CDH12: variants seen among roughly 807,000 people sequenced by gnomAD.
CDH12 encodes the protein cadherin 12.
Under a neutral mutation model 74.1 loss-of-function variants are expected in CDH12, and 41 were observed. The observed-to-expected ratio is 0.55, with a 90% CI of 0.43 to 0.72. The LOEUF (loss-of-function observed/expected upper bound fraction) is 0.72. Among genes scored for constraint, CDH12 ranks in the 30% least tolerant of loss-of-function variants. The pLI is 0.00. For missense variants in CDH12, 945 were observed against 977.2 expected, an observed-to-expected ratio of 0.97 and a Z score of 0.44; for synonymous variants, 399 against 355.0, an observed-to-expected ratio of 1.12 and a Z score of -1.39.
chr5:21,888,447 T>C (rs1752743481), intron 6 of CDH12, among the ~76,000 whole-genome samples: 1 of 152,116 alleles, frequency 6.6e-6, no homozygotes, highest in Non-Finnish European at 1.5e-5. Context: ...ATTTGCAACG[T>C]TTCCTCACTT....
chr5:21,883,578 T>C, intron 6 of CDH12: 1 of 1,605,338 alleles, frequency 6.2e-7, no homozygotes. Context: ...AGAAGAGGGG[T>C]TGACCCTGAA....
chr5:22,125,578 T>C (rs1284404045), intron 4 of CDH12, among the ~76,000 whole-genome samples: 2 of 152,240 alleles, frequency 1.3e-5, no homozygotes, highest in Non-Finnish European at 2.9e-5. Context: ...CCGTCTCTGC[T>C]GGTTTTAGTT....
At chr5:22,051,189 G>C (rs1740336291) in intron 5 of CDH12, among the ~76,000 whole-genome samples, 1 of 151,984 alleles carries the variant, frequency 6.6e-6, no homozygotes, top group Non-Finnish European at 1.5e-5. Context: ...GACCCACCGG[G>C]AGATGGAATC....
intron 4 of CDH12, among the ~76,000 whole-genome samples, chr5:22,136,568 C>T (rs1746472328): frequency 6.6e-6 from 1 of 151,254 alleles, no homozygotes; most frequent in South Asian, 2.1e-4. Context: ...TGCCTAATTG[C>T]ACCCATGCTT....
chr5:21,946,050 ATAATG>A (rs536461688), intron 6 of CDH12, among the ~76,000 whole-genome samples: 29 of 152,186 alleles, frequency 1.9e-4, no homozygotes, highest in African/African-American at 7.0e-4. Flanking sequence ...CAGAAAAACA[ATAATG>A]TAAACCACAG....
At chr5:22,086,523 T>C (rs1354430426) in intron 4 of CDH12, among the ~76,000 whole-genome samples, 1 of 151,400 alleles carries the variant, frequency 6.6e-6, no homozygotes, top group Non-Finnish European at 1.5e-5. Context: ...TGTTTTTTGT[T>C]TGTTTGTTTG....
intron 8 of CDH12, among the ~76,000 whole-genome samples, chr5:21,824,924 G>A (rs1748578691): frequency 6.6e-6 from 1 of 152,074 alleles, no homozygotes; most frequent in Admixed American, 6.6e-5. Flanking sequence ...GAAGCCAAGA[G>A]GGGCCGATCA....
At chr5:22,461,178 CCA>C (rs1411447838) in intron 2 of CDH12, among the ~76,000 whole-genome samples, 3 of 151,520 alleles carry the variant, frequency 2.0e-5, no homozygotes, top group Non-Finnish European at 2.9e-5. Context: ...CAGGTGCGTG[CCA>C]CCACACCTGG....
At chr5:21,987,831 A>C in intron 5 of CDH12, among the ~76,000 whole-genome samples, 1 of 152,120 alleles carries the variant, frequency 6.6e-6, no homozygotes, top group Non-Finnish European at 1.5e-5. Flanking sequence ...AATCAGTATC[A>C]CTTTTTCATG....
At chr5:21,766,880 G>T (rs1416434554) in intron 11 of CDH12, among the ~76,000 whole-genome samples, 1 of 151,740 alleles carries the variant, frequency 6.6e-6, no homozygotes, top group Non-Finnish European at 1.5e-5. Context: ...TATCTCCTTT[G>T]TGTAGGTGAA....
chr5:21,754,635 G>A (rs766403847), intron 14 of CDH12, among the ~76,000 whole-genome samples: 9 of 152,016 alleles, frequency 5.9e-5, no homozygotes, highest in Non-Finnish European at 8.8e-5. Context: ...CATATAACGC[G>A]TTACTCCGTG....
intron 3 of CDH12, among the ~76,000 whole-genome samples, chr5:22,261,298 GTTATC>G (rs1352866729): frequency 1.3e-5 from 2 of 151,640 alleles, no homozygotes; most frequent in Non-Finnish European, 2.9e-5. Flanking sequence ...TATTTTCTGA[GTTATC>G]TTATATTTAT....
At chr5:22,187,941 C>A (rs946030626) in intron 4 of CDH12, among the ~76,000 whole-genome samples, 1 of 152,046 alleles carries the variant, frequency 6.6e-6, no homozygotes, top group South Asian at 2.1e-4. Context: ...TTAAACCATG[C>A]GTAATTAATG....
chr5:22,751,130 A>G (rs1385204124), intron 1 of CDH12, among the ~76,000 whole-genome samples: 1 of 151,846 alleles, frequency 6.6e-6, no homozygotes, highest in African/African-American at 2.4e-5. Context: ...AAGTAAAGGG[A>G]GAGGAAAAAT....
intron 3 of CDH12, among the ~76,000 whole-genome samples, chr5:22,316,099 C>T (rs913085495): frequency 6.6e-6 from 1 of 152,036 alleles, no homozygotes; most frequent in African/African-American, 2.4e-5. Context: ...TTGGGTTCCT[C>T]AGATGGGCAG....
At chr5:22,013,903 C>T (rs1380921284) in intron 5 of CDH12, among the ~76,000 whole-genome samples, 1 of 152,084 alleles carries the variant, frequency 6.6e-6, no homozygotes. Flanking sequence ...AGGGATTCTA[C>T]ATCTTGAGTG....
chr5:22,342,177 TA>T (rs1459737024), intron 3 of CDH12, among the ~76,000 whole-genome samples: 3 of 152,074 alleles, frequency 2.0e-5, no homozygotes, highest in Admixed American at 2.0e-4. Flanking sequence ...TAACCTTCAA[TA>T]TCTCCCAAAG....
At chr5:21,968,692 C>A (rs114800373) in intron 6 of CDH12, among the ~76,000 whole-genome samples, 9 of 152,020 alleles carry the variant, frequency 5.9e-5, no homozygotes, top group Non-Finnish European at 1.2e-4. Flanking sequence ...TCCTGTTTTG[C>A]CACTGTATTT....
chr5:21,952,143 C>A (rs1232632283), intron 6 of CDH12, among the ~76,000 whole-genome samples: 2 of 152,164 alleles, frequency 1.3e-5, no homozygotes, highest in African/African-American at 4.8e-5. Context: ...TACATTAGTG[C>A]TGTTGCCGTT....
Sources: gnomAD v4.1 joint callset for allele counts (sites outside exome capture counted in the v4.1 genomes callset) on GRCh38, gnomAD v4.1.1 for gene constraint, MANE v1.5 for transcripts, NCBI Gene and HGNC (gene_info 2026-07-23, HGNC 2026-07-21) for gene names.